The following ZDHHC17 variants were observed in gnomAD, a reference collection of about 807,000 sequenced individuals.
The protein encoded by ZDHHC17 is zDHHC palmitoyltransferase 17.
Under a neutral mutation model 90.3 loss-of-function variants are expected in ZDHHC17, and 40 were observed. The ratio of observed to expected loss-of-function variants is 0.44; its 90% CI spans 0.34 to 0.58. The LOEUF (loss-of-function observed/expected upper bound fraction) is 0.58. Ranked by LOEUF, ZDHHC17 falls within the 20% of genes least tolerant of loss-of-function variation. The pLI is 0.01. For synonymous variants in ZDHHC17, 235 were observed against 252.4 expected (o/e 0.93, Z 0.65); for missense variants, 614 against 780.8 (o/e 0.79, Z 2.55).
chr12:76,842,863 AAG>A, intron 11 of ZDHHC17, 54 bp from the exon 12 acceptor site: 2 of 1,317,458 alleles, frequency 1.5e-6, no homozygotes, highest in Non-Finnish European at 2.1e-6. Context: ...GTGGTGGCAA[AAG>A]AGTTGGTGAG....
At chr12:76,787,779 A>G (rs1565768599) in intron 1 of ZDHHC17, among the ~76,000 whole-genome samples, 1 of 152,250 alleles carries the variant, frequency 6.6e-6, no homozygotes, top group Non-Finnish European at 1.5e-5. Flanking sequence ...GTAAAACCAT[A>G]TACTAGTTAT....
intron 2 of ZDHHC17, among the ~76,000 whole-genome samples, chr12:76,800,413 G>A (rs183027354): frequency 1.1e-4 from 16 of 152,262 alleles, no homozygotes; most frequent in Admixed American, 9.2e-4. Flanking sequence ...TCTAGTTCTT[G>A]CATCCATTAT....
Position 76,768,516 on chromosome 12 carries a change from C to T in ZDHHC17, c.93+4187C>T, listed in dbSNP as rs528912023. On this transcript the variant is annotated intron_variant, in intron 1 of 16. Transcript: ENST00000426126. Reference sequence around the variant, plus strand: ...CATATGTTTTCCAGAAGGTAAATAACTAGTTGGGAAGTTGTAGGCACGTGA... The same window carrying T: ...CATATGTTTTCCAGAAGGTAAATAATTAGTTGGGAAGTTGTAGGCACGTGA... Among the ~76,000 whole-genome samples, 202 of 152,226 alleles carry T rather than the reference C, an allele frequency of 1.3e-3. 1 individual carries two copies. The highest frequency in any genetic ancestry group is 2.4e-3 in the Non-Finnish European group (166 of 68,004).
chr12:76,818,188 A>G (rs1953112571), intron 7 of ZDHHC17, among the ~76,000 whole-genome samples: 1 of 151,668 alleles, frequency 6.6e-6, no homozygotes, highest in Admixed American at 6.6e-5. Context: ...CTTTCAGGGG[A>G]AAAATTACCT....
intron 1 of ZDHHC17, among the ~76,000 whole-genome samples, chr12:76,778,312 A>G (rs988974014): frequency 2.0e-5 from 3 of 152,114 alleles, no homozygotes; most frequent in Admixed American, 6.6e-5. Flanking sequence ...GATGGGTTCA[A>G]GCGATTCTTC....
At chr12:76,843,901 G>T (rs1953464087) in intron 12 of ZDHHC17, 1 of 151,976 alleles carries the variant, frequency 6.6e-6, no homozygotes, top group Non-Finnish European at 1.5e-5. Flanking sequence ...AATATTCTTT[G>T]ACCAGTTATG....
rs1411792402 is a variant in ZDHHC17, at chr12:76,827,003, A to G, written c.993A>G (p.Lys331=). The G allele has an allele frequency of 1.9e-6, 3 of 1,564,084 alleles. No homozygotes were observed. The highest frequency in any genetic ancestry group is 2.6e-6 in the Non-Finnish European group (3 of 1,163,344). The stretch of plus-strand genomic sequence containing the variant: ...TAAATATTGATTCTTGGCTCATTAA[A>G]GGGCTAATGTATGGTGGTGTTTGGG... ...ADLNIDSWLI[K]GLMYGGVWAT... is the part of the protein sequence containing the mutation. The change falls in exon 9 of 17, where the codon AAA becomes AAG. Residue 331 remains lysine, a synonymous_variant. Transcript: ENST00000426126.
At chr12:76,810,180 CTT>C (rs1953002628) in intron 5 of ZDHHC17, among the ~76,000 whole-genome samples, 1 of 151,940 alleles carries the variant, frequency 6.6e-6, no homozygotes, top group Admixed American at 6.6e-5. Context: ...TTCATCCAAA[CTT>C]TTTTGAACTT....
At chr12:76,849,660 A>G (rs1253430051) in intron 16 of ZDHHC17, 190 bp downstream of exon 16, 3 of 400,152 alleles carry the variant, frequency 7.5e-6, no homozygotes, top group Non-Finnish European at 1.3e-5. Flanking sequence ...TAAAGTTGTG[A>G]TATCTCCTTA....
chr12:76,813,329 G>A, intron 5 of ZDHHC17: 1 of 449,404 alleles, frequency 2.2e-6, no homozygotes, highest in South Asian at 1.6e-5. Flanking sequence ...TTTAAAAAAT[G>A]TACTTGCATA....
At chr12:76,797,317 A>T in intron 1 of ZDHHC17, 117 bp from the exon 2 acceptor site, 1 of 597,894 alleles carries the variant, frequency 1.7e-6, no homozygotes, top group Non-Finnish European at 2.7e-6. Flanking sequence ...AGGTAAATTT[A>T]ATTATTTCAG....
chr12:76,837,673 A>T (rs951124449), intron 10 of ZDHHC17, among the ~76,000 whole-genome samples: 10 of 152,214 alleles, frequency 6.6e-5, no homozygotes, highest in African/African-American at 2.4e-4. Context: ...ATTTATAAAA[A>T]TGAAGGTTTT....
At chr12:76,842,602 T>G (rs1031849761) in intron 11 of ZDHHC17, among the ~76,000 whole-genome samples, 16 of 152,140 alleles carry the variant, frequency 1.1e-4, no homozygotes, top group African/African-American at 3.9e-4. Context: ...TAGAAGCATT[T>G]TAGATTATTT....
rs375388214 is a variant in ZDHHC17 at position 76,827,070 on chromosome 12, C to G, written c.1040+20C>G. 3.9e-6 allele frequency: 6 copies of G among 1,544,444 alleles called. No homozygotes were observed. The highest frequency in any genetic ancestry group is 5.2e-6 in the Non-Finnish European group (6 of 1,157,432). On this transcript the variant is annotated intron_variant, in intron 9 of 16. Coordinates refer to ENST00000426126, the MANE Select transcript of ZDHHC17 (RefSeq NM_015336.4). ...TTCAAAGTAAGTGTGTTGTTTTTAA[C>G]TATATTTTAAACTGTACATGAAATA... is the stretch of plus-strand genomic sequence containing the variant.
chr12:76,814,980 A>T (rs1565787858), intron 5 of ZDHHC17, among the ~76,000 whole-genome samples, 166 bp from the exon 6 acceptor site: 1 of 151,992 alleles, frequency 6.6e-6, no homozygotes, highest in Non-Finnish European at 1.5e-5. Context: ...GTATATAGTG[A>T]CAAGAGTTTC....
In ZDHHC17 at chr12:76,775,492, A is replaced by G. The variant is rs184460274; in HGVS notation, c.93+11163A>G. ...ACTGATTTGTTTATCTCCATTTGAT[A>G]TAGCCTAAAGAGTGATATTTTAAAA... On this transcript the variant is annotated intron_variant, in intron 1 of 16. Coordinates refer to ENST00000426126, the MANE Select transcript of ZDHHC17 (RefSeq NM_015336.4). Among the ~76,000 whole-genome samples the G allele has an allele frequency of 3.6e-3, 548 of 152,336 alleles. 3 individuals carry two copies. The highest frequency in any genetic ancestry group is 4.4e-3 in the Non-Finnish European group (297 of 68,024).
At chr12:76,780,596 CCTTTTCTCCCAT>C (rs1160605792) in intron 1 of ZDHHC17, among the ~76,000 whole-genome samples, 5 of 152,294 alleles carry the variant, frequency 3.3e-5, no homozygotes. Context: ...GTTCCCAGTT[CCTTTTCTCCCAT>C]CTTTTCTTAA....
intron 15 of ZDHHC17, among the ~76,000 whole-genome samples, chr12:76,849,059 G>A (rs1350736856): frequency 5.4e-5 from 8 of 147,182 alleles, no homozygotes; most frequent in Admixed American, 1.4e-4. Context: ...CGAGGTGGGC[G>A]GATCACTTGA....
At chr12:76,842,439 T>C (rs2137802922) in intron 11 of ZDHHC17, among the ~76,000 whole-genome samples, 1 of 152,260 alleles carries the variant, frequency 6.6e-6, no homozygotes, top group Admixed American at 6.5e-5. Flanking sequence ...CTATGTAAAC[T>C]AGAAGGTTAA....
Sources: allele counts gnomAD v4.1 joint callset (sites outside exome capture counted in the v4.1 genomes callset), GRCh38; gene constraint gnomAD v4.1.1; transcripts MANE v1.5; gene names NCBI Gene and HGNC (gene_info 2026-07-23, HGNC 2026-07-21).